Variants in CD1B observed in about 807,000 individuals in gnomAD.
The protein encoded by CD1B is CD1b molecule.
Under a neutral mutation model 39.8 loss-of-function variants are expected in CD1B, and 43 were observed. The observed-to-expected ratio is 1.08, with a 90% CI of 0.85 to 1.39. The LOEUF is 1.39. CD1B is among the 40% of genes most tolerant of loss of function. The pLI is 0.00. For synonymous variants in CD1B, 192 were observed against 152.5 expected, an observed-to-expected ratio of 1.26 and a Z score of -1.91; for missense variants, 495 against 403.8, an observed-to-expected ratio of 1.23 and a Z score of -1.94.
chr1:158,329,745 C>T lies in CD1B; in HGVS notation c.608-97G>A. The T allele has an allele frequency of 7.0e-6, 11 of 1,561,612 alleles. No homozygotes were observed. In the South Asian group the frequency reaches 1.4e-4, roughly 19 times the overall value. On this transcript the variant is annotated intron_variant, in intron 3 of 5. Transcript: ENST00000368168. Reference sequence around the variant, plus strand: ...CAAGCTTGGACAGCGACCCCATTCACTCCTTTGGGAACCAAATAACTTGTT... The same window carrying T: ...CAAGCTTGGACAGCGACCCCATTCATTCCTTTGGGAACCAAATAACTTGTT...
the CD1B span, among the ~76,000 whole-genome samples, chr1:158,321,847 C>T: frequency 6.6e-6 from 1 of 152,106 alleles, no homozygotes; most frequent in African/African-American, 2.4e-5. Context: ...TGGTTTACTG[C>T]ACAGATCATC....
At chr1:158,313,271 G>A in the CD1B span, among the ~76,000 whole-genome samples, 3 of 151,916 alleles carry the variant, frequency 2.0e-5, no homozygotes, top group Non-Finnish European at 4.4e-5. Flanking sequence ...GAGGATTTTT[G>A]CATGCGTTTC....
chr1:158,295,145 G>C, the CD1B span, among the ~76,000 whole-genome samples: 1 of 152,100 alleles, frequency 6.6e-6, no homozygotes, highest in South Asian at 2.1e-4. Context: ...GAAGAGACAA[G>C]ATGGCTGACT....
the CD1B span, among the ~76,000 whole-genome samples, chr1:158,286,823 T>G: frequency 6.6e-6 from 1 of 152,186 alleles, no homozygotes; most frequent in Non-Finnish European, 1.5e-5. Context: ...AGGGGGAATT[T>G]CCCATAAATA....
At chr1:158,300,759 TC>T in the CD1B span, among the ~76,000 whole-genome samples, 1 of 138,094 alleles carries the variant, frequency 7.2e-6, no homozygotes, top group African/African-American at 3.1e-5. Context: ...TCTCTCTCTC[TC>T]TTTTTTTTTT....
chr1:158,330,427 C>T (rs1652551559), intron 2 of CD1B: 2 of 560,976 alleles, frequency 3.6e-6, no homozygotes, highest in East Asian at 6.3e-5. Flanking sequence ...AGGTTCCCAG[C>T]AAGAGGAGGG....
the CD1B span, among the ~76,000 whole-genome samples, chr1:158,318,938 G>A: frequency 8.5e-5 from 13 of 152,126 alleles, no homozygotes; most frequent in Non-Finnish European, 1.6e-4. Context: ...AGTTTGGCTG[G>A]ATATTTAATT....
chr1:158,319,451 C>T, the CD1B span, among the ~76,000 whole-genome samples: 603 of 152,308 alleles, frequency 4.0e-3, 4 homozygotes, highest in African/African-American at 0.014. Flanking sequence ...TCCAGTTGAT[C>T]GCATCAGCTC....
the CD1B span, chr1:158,292,796 G>A: frequency 1.2e-6 from 2 of 1,614,170 alleles, no homozygotes; most frequent in Non-Finnish European, 8.5e-7. Context: ...CCTGGAGGTG[G>A]CATCTGAGGA....
At chr1:158,311,582 A>G in the CD1B span, among the ~76,000 whole-genome samples, 64 of 152,236 alleles carry the variant, frequency 4.2e-4, no homozygotes, top group Middle Eastern at 3.4e-3. Flanking sequence ...TTCCCAGACC[A>G]ACATGAAGCA....
At chr1:158,331,228 A>ACC in intron 1 of CD1B, 135 bp downstream of exon 1, 2 of 1,086,126 alleles carry the variant, frequency 1.8e-6, no homozygotes, top group Non-Finnish European at 2.7e-6. Flanking sequence ...AGTCCCAACC[A>ACC]CCAGAATGGT....
chr1:158,329,417 C>A lies in CD1B; in HGVS notation c.839G>T (p.Arg280Leu). 1 of 1,614,146 alleles carries A rather than the reference C, an allele frequency of 6.2e-7. No individual in the cohort carries two copies. The highest frequency in any genetic ancestry group is 8.5e-7 in the Non-Finnish European group (1 of 1,180,036). ...GCCCTCTAAACTGCTGTGCTTCACC[C>A]GACAGGACAGGCCAGCCGCCTCCCC... ...ADGEAAGLSCRVKHSSLEGQD... is the reference protein window; with the variant it reads ...ADGEAAGLSCLVKHSSLEGQD... Residue 280 changes from arginine (R) to leucine (L), a missense_variant, in exon 4 of 6, where the codon CGG becomes CTG. Arg to Leu is a moderately radical substitution (Grantham distance 102, BLOSUM62 -2). Coordinates refer to ENST00000368168, the MANE Select transcript of CD1B (RefSeq NM_001764.3).
At chr1:158,294,197 G>A in the CD1B span, among the ~76,000 whole-genome samples, 1 of 152,326 alleles carries the variant, frequency 6.6e-6, no homozygotes, top group Middle Eastern at 3.4e-3. Flanking sequence ...TTAAGAAAAG[G>A]AACAAGAGAT....
At chr1:158,291,008 T>C in the CD1B span, 3 of 991,912 alleles carry the variant, frequency 3.0e-6, no homozygotes, top group Non-Finnish European at 4.4e-6. Context: ...GTAAGGAAAA[T>C]GGTATAGCTA....
the CD1B span, chr1:158,293,086 G>A: frequency 1.1e-6 from 1 of 927,138 alleles, no homozygotes; most frequent in South Asian, 1.6e-5. Flanking sequence ...TTTTGGAATA[G>A]AGTGACTGAA....
chr1:158,331,266 A>C, intron 1 of CD1B, 97 bp downstream of exon 1: 1 of 1,232,766 alleles, frequency 8.1e-7, no homozygotes, highest in Admixed American at 1.8e-5. Context: ...AGAAAGACCC[A>C]GACCCTTAGT....
chr1:158,320,783 C>G, the CD1B span, among the ~76,000 whole-genome samples: 1 of 151,982 alleles, frequency 6.6e-6, no homozygotes, highest in Admixed American at 6.6e-5. Flanking sequence ...GGTTGTTCAG[C>G]TGTATGTTGT....
At chr1:158,310,665 A>G in the CD1B span, among the ~76,000 whole-genome samples, 8 of 152,210 alleles carry the variant, frequency 5.3e-5, no homozygotes, top group Non-Finnish European at 8.8e-5. Context: ...ATCAACAGAC[A>G]CTTCTCAAAA....
the CD1B span, among the ~76,000 whole-genome samples, chr1:158,318,318 C>T: frequency 6.6e-6 from 1 of 152,014 alleles, no homozygotes; most frequent in African/African-American, 2.4e-5. Flanking sequence ...GTAGGTCACT[C>T]AGGACTTGCT....
Sources: gnomAD v4.1 joint callset for allele counts (sites outside exome capture counted in the v4.1 genomes callset) on GRCh38, gnomAD v4.1.1 for gene constraint, MANE v1.5 for transcripts, NCBI Gene and HGNC (gene_info 2026-07-23, HGNC 2026-07-21) for gene names.